The following KALRN variants were observed in gnomAD, a reference collection of about 807,000 sequenced individuals.
The protein encoded by KALRN is kalirin RhoGEF kinase, also known as kalirin.
KALRN carries 70 observed loss-of-function variants against 353.7 expected under a neutral mutation model. The observed-to-expected ratio is 0.20, with a 90% CI of 0.16 to 0.24. KALRN has a LOEUF of 0.24. Among genes scored for constraint, KALRN ranks in the 10% least tolerant of loss-of-function variants. The pLI is 1.00. For synonymous variants in KALRN, 1,391 were observed against 1,434.8 expected (o/e 0.97, Z 0.69); for missense variants, 2,791 against 3,756.7 (o/e 0.74, Z 6.72).
chr3:124,156,970 G>A (rs1398367132), intron 1 of KALRN, among the ~76,000 whole-genome samples: 2 of 152,078 alleles, frequency 1.3e-5, no homozygotes, highest in Non-Finnish European at 2.9e-5. Flanking sequence ...TTTTAAAATA[G>A]CTTTTTAAAG....
At chr3:124,697,893 C>T (rs1384494727) in intron 55 of KALRN, among the ~76,000 whole-genome samples, 169 bp downstream of exon 55, 3 of 152,124 alleles carry the variant, frequency 2.0e-5, no homozygotes, top group Non-Finnish European at 1.5e-5. Context: ...AACGCCAGGG[C>T]TAACGTGATC....
intron 1 of KALRN, among the ~76,000 whole-genome samples, chr3:124,044,526 A>C (rs1282260384): frequency 6.6e-6 from 1 of 151,626 alleles, no homozygotes; most frequent in East Asian, 1.9e-4. Flanking sequence ...AGGCAGAAGA[A>C]TCACTTGAAC....
intron 1 of KALRN, among the ~76,000 whole-genome samples, chr3:124,153,785 T>C (rs1302589991): frequency 1.3e-5 from 2 of 151,904 alleles, no homozygotes; most frequent in Non-Finnish European, 2.9e-5. Context: ...ACCTGTTGTT[T>C]CCTGACTTTT....
rs551855438 is a variant in KALRN, at chr3:124,725,832, T to C, written c.*6362T>C. 1.3e-5 allele frequency: 2 copies of C among 152,336 alleles called. No individual in the cohort carries two copies. Among genetic ancestry groups the C allele is most frequent in the Admixed American group, 6.5e-5 (1 of 15,312 alleles). The allele number at this position is 152,336 out of a possible 1,614,324, so 9.4% of individuals were successfully genotyped here. On this transcript the variant is annotated 3_prime_UTR_variant, in exon 60 of 60. Coordinates refer to ENST00000682506, the MANE Select transcript of KALRN (RefSeq NM_001388419.1). ...GTGACCCCTGCCCCCCTCAAGTCTTTTGAGAATTTGGAGTGGGCTTCACTG... is the reference window on the plus strand; with the variant it reads ...GTGACCCCTGCCCCCCTCAAGTCTTCTGAGAATTTGGAGTGGGCTTCACTG...
chr3:124,289,454 C>T (rs900072865), intron 5 of KALRN, among the ~76,000 whole-genome samples: 1 of 151,692 alleles, frequency 6.6e-6, no homozygotes, highest in East Asian at 1.9e-4. Flanking sequence ...GTGACCATGA[C>T]CAAGTTACTT....
At chr3:124,118,674 G>A (rs1276067789) in intron 1 of KALRN, among the ~76,000 whole-genome samples, 3 of 152,130 alleles carry the variant, frequency 2.0e-5, no homozygotes, top group African/African-American at 7.2e-5. Context: ...AATAGTCATT[G>A]CACTCTAAAA....
chr3:124,632,532 C>T lies in KALRN; in HGVS notation c.5295C>T (p.Ser1765=), dbSNP rs1395169097. 6.2e-7 allele frequency: 1 copy of T among 1,614,080 alleles called. No homozygotes were observed. Among genetic ancestry groups the T allele is most frequent in the Non-Finnish European group, 8.5e-7 (1 of 1,180,042 alleles). The change falls in exon 35 of 60, where the codon TCC becomes TCT. Residue 1765 remains serine, a synonymous_variant. Coordinates refer to ENST00000682506, the MANE Select transcript of KALRN (RefSeq NM_001388419.1). ...SIHSSPGPKR[S]TNTLKKWLTS... is the part of the protein sequence containing the mutation. ...ACAGTTCCCCGGGTCCCAAGCGCTC[C>T]ACCAACACTCTTAAGAAGTGGCTGA...
intron 5 of KALRN, among the ~76,000 whole-genome samples, chr3:124,272,340 G>T (rs1414024669): frequency 2.6e-5 from 4 of 152,158 alleles, no homozygotes; most frequent in African/African-American, 4.8e-5. Context: ...AAATGTGTGT[G>T]TTTCTATTGG....
chr3:124,049,953 T>C (rs1350749558), intron 1 of KALRN, among the ~76,000 whole-genome samples: 1 of 152,230 alleles, frequency 6.6e-6, no homozygotes, highest in African/African-American at 2.4e-5. Flanking sequence ...GATTAATCTC[T>C]TTTGGATGAC....
At chr3:124,696,995 C>G (rs2062084103) in intron 54 of KALRN, among the ~76,000 whole-genome samples, 1 of 152,064 alleles carries the variant, frequency 6.6e-6, no homozygotes, top group Non-Finnish European at 1.5e-5. Flanking sequence ...ACACCACTCA[C>G]TGCAGCCTCA....
intron 34 of KALRN, among the ~76,000 whole-genome samples, chr3:124,615,341 G>T (rs940506489): frequency 1.3e-5 from 2 of 152,026 alleles, no homozygotes; most frequent in African/African-American, 2.4e-5. Context: ...TAAAAGACAT[G>T]ATCTTTCTCT....
intron 33 of KALRN, among the ~76,000 whole-genome samples, chr3:124,527,652 C>G (rs892611128): frequency 6.6e-6 from 1 of 151,876 alleles, no homozygotes; most frequent in Admixed American, 6.6e-5. Context: ...GCAATTTTAT[C>G]TAGGAGCAAG....
chr3:124,490,925 C>T, intron 30 of KALRN, 41 bp downstream of exon 30: 2 of 1,548,090 alleles, frequency 1.3e-6, no homozygotes, highest in South Asian at 1.2e-5. Flanking sequence ...TCCCTGCTTT[C>T]ATAGAACCCA....
At chr3:124,693,936 T>C (rs765797072) in intron 52 of KALRN, 105 bp downstream of exon 52, 28 of 780,766 alleles carry the variant, frequency 3.6e-5, no homozygotes, top group East Asian at 5.1e-5. Flanking sequence ...TATAGTTCTG[T>C]ATCAATGGAC....
At chr3:124,078,859 G>A (rs1045896240) in intron 1 of KALRN, among the ~76,000 whole-genome samples, 4 of 152,216 alleles carry the variant, frequency 2.6e-5, no homozygotes, top group Admixed American at 6.5e-5. Context: ...GGTTTCTAGG[G>A]ACTGGGACAA....
At chr3:124,673,605 A>G (rs1433032996) in intron 48 of KALRN, among the ~76,000 whole-genome samples, 1 of 151,996 alleles carries the variant, frequency 6.6e-6, no homozygotes, top group African/African-American at 2.4e-5. Context: ...ATATATATGT[A>G]TATCCTGTAT....
intron 25 of KALRN, among the ~76,000 whole-genome samples, chr3:124,464,738 T>A (rs2060162518): frequency 6.6e-6 from 1 of 151,834 alleles, no homozygotes; most frequent in Non-Finnish European, 1.5e-5. Flanking sequence ...CTTGATTATA[T>A]AGTTTGTAAG....
intron 34 of KALRN, among the ~76,000 whole-genome samples, chr3:124,610,259 G>A (rs2077785367): frequency 6.6e-6 from 1 of 152,186 alleles, no homozygotes; most frequent in South Asian, 2.1e-4. Flanking sequence ...CATGCCAACA[G>A]ATGAGGAGGT....
chr3:124,423,828 A>G (rs2092896758), intron 15 of KALRN, among the ~76,000 whole-genome samples: 2 of 152,250 alleles, frequency 1.3e-5, no homozygotes, highest in South Asian at 4.1e-4. Context: ...CTATGATCAC[A>G]TCACTGCACT....
Sources: gnomAD v4.1 joint callset for allele counts (sites outside exome capture counted in the v4.1 genomes callset) on GRCh38, gnomAD v4.1.1 for gene constraint, MANE v1.5 for transcripts, NCBI Gene and HGNC (gene_info 2026-07-23, HGNC 2026-07-21) for gene names.